STARD9: variants seen among roughly 807,000 people sequenced by gnomAD.
STARD9 encodes StAR related lipid transfer domain containing 9.
STARD9 carries 346 observed loss-of-function variants against 399.8 expected under a neutral mutation model. The observed-to-expected ratio is 0.87, with a 90% CI of 0.79 to 0.95. The LOEUF (loss-of-function observed/expected upper bound fraction) is 0.95, where lower values mean the gene tolerates loss of function less well. Among genes scored for constraint, STARD9 ranks in the 40% least tolerant of loss-of-function variants. STARD9 has a pLI of 0.00. For missense variants in STARD9, 5,832 were observed against 5,667.5 expected, an observed-to-expected ratio of 1.03 and a Z score of -0.93; for synonymous variants, 2,203 against 2,143.5, an observed-to-expected ratio of 1.03 and a Z score of -0.77.
At chr15:42,652,412 C>T in intron 8 of STARD9, 108 bp from the exon 9 acceptor site, 1 of 915,198 alleles carries the variant, frequency 1.1e-6, no homozygotes, top group Non-Finnish European at 1.7e-6. Flanking sequence ...TTTTATGATT[C>T]TTGTCGGTGA....
chr15:42,605,720 C>T (rs1245058009), intron 3 of STARD9, among the ~76,000 whole-genome samples: 1 of 152,236 alleles, frequency 6.6e-6, no homozygotes, highest in South Asian at 2.1e-4. Context: ...AATTGGTGTC[C>T]GAGGAAGATT....
intron 3 of STARD9, among the ~76,000 whole-genome samples, chr15:42,625,917 T>C (rs2059197220): frequency 1.3e-5 from 2 of 151,986 alleles, no homozygotes; most frequent in Admixed American, 6.6e-5. Flanking sequence ...ATTATTATTA[T>C]TATTTTATTT....
At chr15:42,615,510 TAAC>T (rs1407822107) in intron 3 of STARD9, among the ~76,000 whole-genome samples, 2 of 152,112 alleles carry the variant, frequency 1.3e-5, no homozygotes, top group East Asian at 3.9e-4. Context: ...AATTATTTAA[TAAC>T]ATCCCATTTT....
intron 1 of STARD9, chr15:42,581,615 C>G (rs2058172933): frequency 4.5e-6 from 3 of 662,704 alleles, no homozygotes; most frequent in Non-Finnish European, 7.8e-6. Context: ...CTCTAGTTCC[C>G]TCGTCTGGCT....
intron 26 of STARD9, among the ~76,000 whole-genome samples, chr15:42,700,452 G>C (rs1244853307): frequency 2.6e-5 from 4 of 152,066 alleles, no homozygotes; most frequent in African/African-American, 2.4e-5. Flanking sequence ...GTTGTTTTTT[G>C]TCTTTTTATT....
At chr15:42,610,613 A>G (rs1390009002) in intron 3 of STARD9, among the ~76,000 whole-genome samples, 3 of 152,074 alleles carry the variant, frequency 2.0e-5, no homozygotes, top group Admixed American at 6.6e-5. Flanking sequence ...CAGTGGCGCA[A>G]TCTTGGCTCA....
chr15:42,580,514 T>C (rs1048283382), intron 1 of STARD9, among the ~76,000 whole-genome samples: 39 of 151,962 alleles, frequency 2.6e-4, no homozygotes, highest in Non-Finnish European at 3.7e-4. Flanking sequence ...TGAGGGTGGC[T>C]CTCAATAAAA....
chr15:42,598,148 C>T (rs1356024012), intron 3 of STARD9, among the ~76,000 whole-genome samples: 1 of 151,850 alleles, frequency 6.6e-6, no homozygotes, highest in African/African-American at 2.4e-5. Flanking sequence ...TCTCCTGCCT[C>T]AGCCTCCTGG....
In STARD9 at chr15:42,693,027, T is replaced by C; in HGVS notation, c.11449T>C (p.Ser3817Pro). 6.5e-7 allele frequency: 1 copy of C among 1,537,120 alleles called. No individual in the cohort carries two copies. The change falls in exon 23 of 33, where the codon TCC (serine) becomes CCC (proline). Residue 3817 changes from serine (S) to proline (P), a missense_variant. Transcript: ENST00000290607. ...YKPQSPSIPS[S>P]HLRFQKAPVG... Reference sequence around the variant, plus strand: ...GCCCCAGAGCCCTTCAATACCCTCATCCCACTTGAGGTTTCAGAAAGCCCC... The same window carrying C: ...GCCCCAGAGCCCTTCAATACCCTCACCCCACTTGAGGTTTCAGAAAGCCCC...
At chr15:42,581,254 G>A (rs2058162254) in intron 1 of STARD9, 2 of 852,948 alleles carry the variant, frequency 2.3e-6, no homozygotes, top group Non-Finnish European at 4.1e-6. Flanking sequence ...AGTGACTCCC[G>A]GGATATTGGG....
At chr15:42,594,316 G>A (rs1208794135) in intron 3 of STARD9, among the ~76,000 whole-genome samples, 1 of 152,198 alleles carries the variant, frequency 6.6e-6, no homozygotes, top group Admixed American at 6.5e-5. Flanking sequence ...GTAAAGGAAT[G>A]TTGATCCTGC....
chr15:42,700,851 A>G (rs1003581076), intron 26 of STARD9, among the ~76,000 whole-genome samples: 4 of 152,070 alleles, frequency 2.6e-5, no homozygotes, highest in East Asian at 1.9e-4. Context: ...TCCCAGTCCA[A>G]TGTCATAAAG....
chr15:42,581,492 T>G, intron 1 of STARD9: 2 of 1,495,224 alleles, frequency 1.3e-6, no homozygotes, highest in South Asian at 1.2e-5. Flanking sequence ...AGGACATGGC[T>G]GTGGACGCGG....
In STARD9 at chr15:42,689,873, G is replaced by A. The variant is rs780260047; in HGVS notation, c.8295G>A (p.Pro2765=). 207 of 1,537,458 alleles carry A rather than the reference G, an allele frequency of 1.3e-4. No homozygotes were observed. Among genetic ancestry groups the A allele is most frequent in the Non-Finnish European group, 1.6e-4 (184 of 1,146,972 alleles). Residue 2765 remains proline, a synonymous_variant, in exon 23 of 33, where the codon CCG becomes CCA. Transcript: ENST00000290607. The part of the protein sequence containing the change: ...VTLHELSQSV[P]QETAEGIPPG... ...TGCATGAGCTAAGTCAGTCAGTTCC[G>A]CAGGAGACTGCAGAGGGCATACCCC... is the stretch of plus-strand genomic sequence containing the variant.
chr15:42,717,171 G>A lies in STARD9; in HGVS notation c.13494+123G>A, dbSNP rs1052504448. On this transcript the variant is annotated intron_variant, in intron 28 of 32. Transcript: ENST00000290607. ...AGCCCAAGGCTTGTGGGCATCTTCA[G>A]TGGTTCTTCATCTTGAGAAAAGGGG... 4.6e-6 allele frequency: 5 copies of A among 1,081,930 alleles called. No individual in the cohort carries two copies. The East Asian group carries it at 1.3e-4, about 28-fold the overall frequency. The allele number at this position is 1,081,930 out of a possible 1,614,324, so 67.0% of individuals were successfully genotyped here.
At chr15:42,660,587 A>AC (rs1442349416) in intron 9 of STARD9, among the ~76,000 whole-genome samples, 2 of 151,594 alleles carry the variant, frequency 1.3e-5, no homozygotes, top group East Asian at 1.9e-4. Flanking sequence ...AGACAAACAA[A>AC]AAAAAAAAAA....
rs1162223798 is a variant in STARD9, at chr15:42,687,467, C to G, written c.5889C>G (p.Ala1963=). The G allele has an allele frequency of 6.5e-7, 1 of 1,537,120 alleles. No individual in the cohort carries two copies. Among genetic ancestry groups the G allele is most frequent in the East Asian group, 2.4e-5 (1 of 40,914 alleles). Residue 1963 remains alanine, a synonymous_variant, in exon 23 of 33, where the codon GCC becomes GCG. Transcript: ENST00000290607. Reference sequence around the variant, plus strand: ...GAGTAAGCAGCCCAGTGATGGTGGCCCAGGGTGGTGGCCCAACCCCTAAGT... The same window carrying G: ...GAGTAAGCAGCCCAGTGATGGTGGCGCAGGGTGGTGGCCCAACCCCTAAGT... ...DRRVSSPVMV[A]QGGGPTPKWE... is the part of the protein sequence containing the mutation.
At chr15:42,706,117 C>T (rs2061074621) in intron 26 of STARD9, among the ~76,000 whole-genome samples, 1 of 152,164 alleles carries the variant, frequency 6.6e-6, no homozygotes, top group Non-Finnish European at 1.5e-5. Flanking sequence ...GAACTTGTTA[C>T]TATTTTTAAT....
chr15:42,618,723 A>C lies in STARD9; in HGVS notation c.235-16133A>C, dbSNP rs1184407373. The stretch of plus-strand genomic sequence containing the variant: ...GCGATTCTCCTGCCGCAGCCTCCCG[A>C]GTAGCTGGGACTACAGGAGTGCACC... On this transcript the variant is annotated intron_variant, in intron 3 of 32. Transcript: ENST00000290607. Among the ~76,000 whole-genome samples the C allele has an allele frequency of 2.6e-5, 4 of 152,090 alleles. No homozygotes were observed. In the East Asian group the frequency reaches 7.8e-4, roughly 30 times the overall value.
Sources: allele counts gnomAD v4.1 joint callset (sites outside exome capture counted in the v4.1 genomes callset), GRCh38; gene constraint gnomAD v4.1.1; transcripts MANE v1.5; gene names NCBI Gene and HGNC (gene_info 2026-07-23, HGNC 2026-07-21).